Variants in EYA1 observed in about 807,000 individuals in gnomAD.
EYA1 encodes the protein protein phosphatase EYA1.
Under a neutral mutation model 82.0 loss-of-function variants are expected in EYA1, and 16 were observed. The observed-to-expected ratio is 0.20, with a 90% confidence interval of 0.13 to 0.30. EYA1 has a LOEUF of 0.30. Ranked by LOEUF, EYA1 falls within the 10% of genes least tolerant of loss-of-function variation. EYA1 has a pLI of 1.00. For synonymous variants in EYA1, 261 were observed against 264.4 expected (o/e 0.99, Z 0.12); for missense variants, 633 against 730.7 (o/e 0.87, Z 1.54).
At chr8:71,542,281 ATCATTCAGCACC>A (rs138361339) in intron 1 of EYA1, among the ~76,000 whole-genome samples, 6,075 of 152,160 alleles carry the variant, frequency 0.04, 161 homozygotes, top group Middle Eastern at 0.092. Flanking sequence ...ATGTGTTCTT[ATCATTCAGCACC>A]CACTTACAAG....
chr8:71,211,063 A>T (rs1808442422), intron 17 of EYA1, 93 bp downstream of exon 17: 3 of 825,692 alleles, frequency 3.6e-6, no homozygotes, highest in Middle Eastern at 2.2e-4. Context: ...ATCACGTTTC[A>T]CATAAATGGA....
chr8:71,329,068 A>G (rs764088410), intron 4 of EYA1, among the ~76,000 whole-genome samples: 2 of 152,222 alleles, frequency 1.3e-5, no homozygotes, highest in African/African-American at 2.4e-5. Flanking sequence ...CCGAGGATTA[A>G]TCCCATAAGT....
At chr8:71,446,871 C>T (rs565967069) in intron 2 of EYA1, among the ~76,000 whole-genome samples, 3 of 152,214 alleles carry the variant, frequency 2.0e-5, no homozygotes, top group South Asian at 2.1e-4. Flanking sequence ...AAATATTTCA[C>T]ATTATAATTT....
Position 71,543,328 on chromosome 8 carries a change from G to A in EYA1, c.-73+4536C>T, listed in dbSNP as rs116716737. On this transcript the variant is annotated intron_variant, in intron 1 of 18. Transcript: ENST00000643681. ...GGTGATGAACTGCAGAGTGGCCTGAGGGAACTTTTTGGGGTATTGAAAGTG... is the reference window on the plus strand; with the variant it reads ...GGTGATGAACTGCAGAGTGGCCTGAAGGAACTTTTTGGGGTATTGAAAGTG... 5.4e-3 allele frequency among the ~76,000 whole-genome samples: 819 copies of A among 152,250 alleles called. 8 individuals are homozygous for A. The highest frequency in any genetic ancestry group is 0.018 in the African/African-American group (747 of 41,536).
intron 2 of EYA1, among the ~76,000 whole-genome samples, chr8:71,513,005 T>C (rs755895129): frequency 4.6e-5 from 7 of 152,142 alleles, no homozygotes; most frequent in Non-Finnish European, 1.0e-4. Context: ...TTCTCCGCAG[T>C]AGCATGCAAT....
chr8:71,357,897 T>C (rs75025036), intron 1 of EYA1, among the ~76,000 whole-genome samples: 2,694 of 152,254 alleles, frequency 0.018, 42 homozygotes, highest in South Asian at 0.067. Flanking sequence ...TTGTTAAAAA[T>C]TAATGTTCTC....
chr8:71,233,236 T>C (rs556267361), intron 12 of EYA1, among the ~76,000 whole-genome samples: 28 of 152,344 alleles, frequency 1.8e-4, no homozygotes, highest in African/African-American at 6.7e-4. Flanking sequence ...GTGTTTATTG[T>C]TGAAATTATT....
At chr8:71,338,619 A>C (rs1217038969) in intron 3 of EYA1, among the ~76,000 whole-genome samples, 1 of 152,240 alleles carries the variant, frequency 6.6e-6, no homozygotes, top group Non-Finnish European at 1.5e-5. Context: ...GAAGACTTCT[A>C]CATCTGCAGA....
intron 2 of EYA1, among the ~76,000 whole-genome samples, chr8:71,508,274 G>A (rs1812342379): frequency 6.6e-6 from 1 of 152,136 alleles, no homozygotes; most frequent in Admixed American, 6.5e-5. Context: ...GTTTTGGGGG[G>A]TTTTGTTGCT....
At chr8:71,398,358 G>A (rs926654266) in intron 2 of EYA1, among the ~76,000 whole-genome samples, 1 of 152,166 alleles carries the variant, frequency 6.6e-6, no homozygotes, top group African/African-American at 2.4e-5. Flanking sequence ...CGTTCCTTTG[G>A]AGGAGAAAAG....
chr8:71,258,850 C>G (rs1447422756), intron 11 of EYA1, among the ~76,000 whole-genome samples: 1 of 152,126 alleles, frequency 6.6e-6, no homozygotes, highest in African/African-American at 2.4e-5. Context: ...CTCTTGACCT[C>G]TTTGGAAAGT....
chr8:71,247,401 GT>G (rs900174291), intron 11 of EYA1, among the ~76,000 whole-genome samples: 207 of 152,320 alleles, frequency 1.4e-3, no homozygotes, highest in African/African-American at 4.6e-3. Flanking sequence ...AACGTCAGGG[GT>G]TAGATTGGCA....
chr8:71,302,948 T>C lies in EYA1; in HGVS notation c.557-3228A>G, dbSNP rs1820356991. Among the ~76,000 whole-genome samples, 4 of 142,482 alleles carry C rather than the reference T, an allele frequency of 2.8e-5. 1 individual carries two copies. The highest frequency in any genetic ancestry group is 9.9e-5 in the African/African-American group (4 of 40,412). 93.5% of individuals were successfully genotyped at this position (142,482 alleles called of 152,430 possible). A position where few individuals can be genotyped will look rare whatever the true frequency, so the allele number is the denominator to read the frequency against. On this transcript the variant is annotated intron_variant, in intron 7 of 17. Transcript: ENST00000340726. ...AAACTGCTTACTAGGGTTTATGTAT[T>C]AGGCCTTAGCTGGTCTAAACCCAGT...
intron 4 of EYA1, among the ~76,000 whole-genome samples, chr8:71,326,811 GA>G (rs1403343529): frequency 1.3e-5 from 2 of 152,140 alleles, no homozygotes; most frequent in East Asian, 3.9e-4. Context: ...TCTGAGCCAG[GA>G]AAACGTTGGT....
chr8:71,199,090 AT>A lies in EYA1; in HGVS notation c.*249del. ...ACCGTGTAGTTAATGTGGCAGACACATAACGCTGTGCTAAAACATTCTCATG... is the reference window on the plus strand; with the variant it reads ...ACCGTGTAGTTAATGTGGCAGACACAAACGCTGTGCTAAAACATTCTCATG... On this transcript the variant is annotated 3_prime_UTR_variant, in exon 18 of 18. Coordinates refer to ENST00000340726, the MANE Select transcript of EYA1 (RefSeq NM_000503.6). The A allele has an allele frequency of 1.8e-6, 1 of 562,904 alleles. No individual in the cohort carries two copies. Among genetic ancestry groups the A allele is most frequent in the South Asian group, 1.9e-5 (1 of 52,628 alleles). 34.9% of individuals were successfully genotyped at this position (562,904 alleles called of 1,614,324 possible).
At chr8:71,541,809 T>C (rs1815159790) in intron 1 of EYA1, among the ~76,000 whole-genome samples, 1 of 152,206 alleles carries the variant, frequency 6.6e-6, no homozygotes, top group South Asian at 2.1e-4. Context: ...GGTGATATAT[T>C]GATTCTGCTG....
chr8:71,311,174 T>A (rs1354768436), intron 7 of EYA1, among the ~76,000 whole-genome samples: 1 of 152,196 alleles, frequency 6.6e-6, no homozygotes, highest in Non-Finnish European at 1.5e-5. Context: ...CTATATTATA[T>A]GTGGAGTTAA....
At position 71,334,180 on chromosome 8, in the gene EYA1, A is replaced by T; in HGVS notation, c.125-6T>A. ...GCTCATTGGCTCTGTTTTAACTACA[A>T]AAATAAACAACATACATCGATATTG... is the stretch of plus-strand genomic sequence containing the variant. On this transcript the variant is annotated splice_polypyrimidine_tract_variant and splice_region_variant and intron_variant, in intron 3 of 17. Coordinates refer to ENST00000340726, the MANE Select transcript of EYA1 (RefSeq NM_000503.6). 1 of 1,602,644 alleles carries T rather than the reference A, an allele frequency of 6.2e-7. No homozygotes were observed. Among genetic ancestry groups the T allele is most frequent in the Non-Finnish European group, 8.5e-7 (1 of 1,169,638 alleles).
chr8:71,522,744 A>G (rs1178611697), intron 2 of EYA1, among the ~76,000 whole-genome samples: 1 of 151,232 alleles, frequency 6.6e-6, no homozygotes, highest in Non-Finnish European at 1.5e-5. Context: ...CAACTAGTTG[A>G]GACCCCAGGC....
Sources: allele counts gnomAD v4.1 joint callset (sites outside exome capture counted in the v4.1 genomes callset), GRCh38; gene constraint gnomAD v4.1.1; transcripts MANE v1.5; gene names NCBI Gene and HGNC (gene_info 2026-07-23, HGNC 2026-07-21).